OR4E1: variants seen among roughly 807,000 people sequenced by gnomAD.
OR4E1 encodes the protein olfactory receptor family 4 subfamily E member 1, also known as olfactory receptor 4E1.
chr14:21,671,900 A>G (rs569292742), intron 1 of OR4E1, among the ~76,000 whole-genome samples: 28 of 152,196 alleles, frequency 1.8e-4, no homozygotes, highest in Non-Finnish European at 2.6e-4. Flanking sequence ...AAATAGAGAA[A>G]ATGAGGCACA....
At position 21,667,955 on chromosome 14, in the gene OR4E1, T is replaced by G. The variant is rs564785849; in HGVS notation, c.*2033A>C. The stretch of plus-strand genomic sequence containing the variant: ...TATTTAGTGAGTAATTAAATACATT[T>G]TTATCTTGTCTCTGAGTCTGAAAAG... On this transcript the variant is annotated 3_prime_UTR_variant, in exon 2 of 2. Coordinates refer to ENST00000641792, the MANE Select transcript of OR4E1 (RefSeq NM_001317107.2). 1.4e-4 allele frequency: 21 copies of G among 152,656 alleles called. No individual in the cohort carries two copies. The highest frequency in any genetic ancestry group is 2.8e-4 in the Non-Finnish European group (19 of 68,044). 9.5% of individuals were successfully genotyped at this position (152,656 alleles called of 1,614,324 possible). A position where few individuals can be genotyped will look rare whatever the true frequency, so the allele number is the denominator to read the frequency against.
At position 21,670,279 on chromosome 14, in the gene OR4E1, C is replaced by T. The variant is rs759544811; in HGVS notation, c.657G>A (p.Val219=). The change falls in exon 2 of 2, where the codon GTG becomes GTA. Residue 219 remains valine (V), a synonymous_variant. Coordinates refer to ENST00000641792, the MANE Select transcript of OR4E1 (RefSeq NM_001317107.2). ...LISVVCFVVL[V]VSYAVILVSL... Reference sequence around the variant, plus strand: ...TCACCAGGATGACTGCGTAGGACACCACCAGGACCACAAAACAGACCACGG... The same window carrying T: ...TCACCAGGATGACTGCGTAGGACACTACCAGGACCACAAAACAGACCACGG... The T allele has an allele frequency of 1.3e-3, 535 of 398,848 alleles. 6 individuals are homozygous for T. Among genetic ancestry groups the T allele is most frequent in the Middle Eastern group, 0.013 (20 of 1,590 alleles). The allele number at this position is 398,848 out of a possible 1,614,324, so 24.7% of individuals were successfully genotyped here.
In OR4E1 at chr14:21,668,967, G is replaced by T. The variant is rs955109052; in HGVS notation, c.*1021C>A. The T allele has an allele frequency of 1.4e-4, 21 of 152,134 alleles. No homozygotes were observed. The highest frequency in any genetic ancestry group is 4.6e-4 in the African/African-American group (19 of 41,434). 9.4% of individuals were successfully genotyped at this position (152,134 alleles called of 1,614,324 possible). ...TGATATCACTCTCTTGCCACTCTCT[G>T]CCTTATAGTCTAAGCTGTAATCACA... On this transcript the variant is annotated 3_prime_UTR_variant, in exon 2 of 2. Transcript: ENST00000641792.
Position 21,668,431 on chromosome 14 carries a change from T to C in OR4E1, c.*1557A>G, listed in dbSNP as rs936414665. The C allele has an allele frequency of 2.0e-5, 3 of 152,230 alleles. No individual in the cohort carries two copies. The highest frequency in any genetic ancestry group is 6.5e-5 in the Admixed American group (1 of 15,286). 9.4% of individuals were successfully genotyped at this position (152,230 alleles called of 1,614,324 possible). On this transcript the variant is annotated 3_prime_UTR_variant, in exon 2 of 2. Transcript: ENST00000641792. Reference sequence around the variant, plus strand: ...GTAGACCTTGTGGCTCACAGGTTTATTGATCATACACTCACTGAGTGCCTA... The same window carrying C: ...GTAGACCTTGTGGCTCACAGGTTTACTGATCATACACTCACTGAGTGCCTA...
chr14:21,673,434 T>C lies in OR4E1; in HGVS notation c.-362A>G, dbSNP rs1295401722. 1 of 151,796 alleles carries C rather than the reference T, an allele frequency of 6.6e-6. No homozygotes were observed. Among genetic ancestry groups the C allele is most frequent in the Non-Finnish European group, 1.5e-5 (1 of 67,976 alleles). 9.4% of individuals were successfully genotyped at this position (151,796 alleles called of 1,614,324 possible). On this transcript the variant is annotated 5_prime_UTR_variant, in exon 1 of 2. Transcript: ENST00000641792. ...CCGGGCAACATGGCGAAACCCCGTC[T>C]CTACAAAAAATACAAAAAATTAGCT...
rs529628461 is a variant in OR4E1, at chr14:21,672,249, C to T, written c.-18+841G>A. On this transcript the variant is annotated intron_variant, in intron 1 of 1. Transcript: ENST00000641792. ...AGCTGTCTCTCTTGGTTGCTTGGGC[C>T]CCATGATCCTTGCTACTTCCTTCCT... Among the ~76,000 whole-genome samples, 9 of 152,152 alleles carry T rather than the reference C, an allele frequency of 5.9e-5. No homozygotes were observed. In the South Asian group the frequency reaches 1.4e-3, roughly 24 times the overall value.
In OR4E1 at chr14:21,669,401, T is replaced by G. The variant is rs1880810939; in HGVS notation, c.*587A>C. Reference sequence around the variant, plus strand: ...CCCATTTCATTGCTCTGATGGCAGATTTTGCCTGGATACTTGAGAGTGTCA... The same window carrying G: ...CCCATTTCATTGCTCTGATGGCAGAGTTTGCCTGGATACTTGAGAGTGTCA... On this transcript the variant is annotated 3_prime_UTR_variant, in exon 2 of 2. Coordinates refer to ENST00000641792, the MANE Select transcript of OR4E1 (RefSeq NM_001317107.2). 6.6e-6 allele frequency: 1 copy of G among 152,210 alleles called. No homozygotes were observed. The highest frequency in any genetic ancestry group is 1.5e-5 in the Non-Finnish European group (1 of 68,040). 9.4% of individuals were successfully genotyped at this position (152,210 alleles called of 1,614,324 possible).
At chr14:21,671,223 C>A (rs536308768) in intron 1 of OR4E1, among the ~76,000 whole-genome samples, 57 of 152,154 alleles carry the variant, frequency 3.7e-4, no homozygotes, top group African/African-American at 1.3e-3. Context: ...GAGGGAAAGA[C>A]CAAACAAGTT....
chr14:21,670,937 C>T lies in OR4E1; in HGVS notation c.-2G>A, dbSNP rs1222900871. On this transcript the variant is annotated 5_prime_UTR_variant, in exon 2 of 2. Transcript: ENST00000641792. ...ATTGAGTAGGATGGCCTCTTCCATTCTCTTTGTTAGACAACCTGTAAAGAA... is the reference window on the plus strand; with the variant it reads ...ATTGAGTAGGATGGCCTCTTCCATTTTCTTTGTTAGACAACCTGTAAAGAA... 7.5e-6 allele frequency: 3 copies of T among 398,596 alleles called. No individual in the cohort carries two copies. The South Asian group carries it at 3.8e-4, about 51-fold the overall frequency. 24.7% of individuals were successfully genotyped at this position (398,596 alleles called of 1,614,324 possible).
chr14:21,671,347 C>G (rs1880936098), intron 1 of OR4E1, among the ~76,000 whole-genome samples: 1 of 152,084 alleles, frequency 6.6e-6, no homozygotes, highest in Non-Finnish European at 1.5e-5. Flanking sequence ...CAAGGCTACA[C>G]AAATATGGTC....
In OR4E1 at chr14:21,670,861, A is replaced by G. The variant is rs1028920269; in HGVS notation, c.75T>C (p.His25=). 4 of 398,876 alleles carry G rather than the reference A, an allele frequency of 1.0e-5. No homozygotes were observed. Among genetic ancestry groups the G allele is most frequent in the African/African-American group, 8.2e-5 (4 of 48,624 alleles). The allele number at this position is 398,876 out of a possible 1,614,324, so 24.7% of individuals were successfully genotyped here. A position where few individuals can be genotyped will look rare whatever the true frequency, so the allele number is the denominator to read the frequency against. Residue 25 remains histidine, a synonymous_variant, in exon 2 of 2, where the codon CAT becomes CAC. Transcript: ENST00000641792. Reference sequence around the variant, plus strand: ...TGGAAAACATAGCTATCCGTGCCTTATGATTTACAGATAAACCTCTAAGCC... The same window carrying G: ...TGGAAAACATAGCTATCCGTGCCTTGTGATTTACAGATAAACCTCTAAGCC... ...YFRLRGLSVN[H]KARIAMFSMF... is the part of the protein sequence containing the mutation.
At chr14:21,672,582 C>T (rs569418961) in intron 1 of OR4E1, among the ~76,000 whole-genome samples, 2 of 151,094 alleles carry the variant, frequency 1.3e-5, no homozygotes, top group Non-Finnish European at 2.9e-5. Context: ...TTTTCATGGT[C>T]GCAAAATTCA....
rs887515395 is a variant in OR4E1, at chr14:21,670,104, A to T, written c.832T>A (p.Phe278Ile). 4 of 398,692 alleles carry T rather than the reference A, an allele frequency of 1.0e-5. No individual in the cohort carries two copies. The highest frequency in any genetic ancestry group is 8.2e-5 in the African/African-American group (4 of 48,596). 24.7% of individuals were successfully genotyped at this position (398,692 alleles called of 1,614,324 possible). Residue 278 changes from phenylalanine to isoleucine, a missense_variant, in exon 2 of 2, where the codon TTT becomes ATT. By Grantham distance (21) the Phe-to-Ile change is conservative. Transcript: ENST00000641792. ...AGCAGGGGGGTGACTGCAGTGAAAA[A>T]CACAGATACTACCTTGTCCTCTGGG... ...SLPEDKVVSVFFTAVTPLLNP... is the reference protein window; with the variant it reads ...SLPEDKVVSVIFTAVTPLLNP...
Position 21,668,615 on chromosome 14 carries a change from G to A in OR4E1, c.*1373C>T, listed in dbSNP as rs1198429481. ...CAGTTGATTCACCACATTCCATTCT[G>A]CTACACTATGTGCCGCCACAGTGAG... On this transcript the variant is annotated 3_prime_UTR_variant, in exon 2 of 2. Transcript: ENST00000641792. The A allele has an allele frequency of 1.3e-5, 2 of 152,126 alleles. No homozygotes were observed. Among genetic ancestry groups the A allele is most frequent in the Middle Eastern group, 3.2e-3 (1 of 316 alleles). 9.4% of individuals were successfully genotyped at this position (152,126 alleles called of 1,614,324 possible).
rs1880828976 is a variant in OR4E1, at chr14:21,669,715, T to C, written c.*273A>G. The C allele has an allele frequency of 4.7e-6, 1 of 211,880 alleles. No individual in the cohort carries two copies. Among genetic ancestry groups the C allele is most frequent in the African/African-American group, 2.3e-5 (1 of 43,810 alleles). The allele number at this position is 211,880 out of a possible 1,614,324, so 13.1% of individuals were successfully genotyped here. ...TAGCTGAGTGACTTTGGGCATGTTATTTACTCTCCTCGAGCTTTAGTTTCT... is the reference window on the plus strand; with the variant it reads ...TAGCTGAGTGACTTTGGGCATGTTACTTACTCTCCTCGAGCTTTAGTTTCT... On this transcript the variant is annotated 3_prime_UTR_variant, in exon 2 of 2. Transcript: ENST00000641792.
At position 21,670,969 on chromosome 14, in the gene OR4E1, A is replaced by T. The variant is rs1880911491; in HGVS notation, c.-17-17T>A. 2.5e-6 allele frequency: 1 copy of T among 398,492 alleles called. No homozygotes were observed. The highest frequency in any genetic ancestry group is 2.1e-5 in the African/African-American group (1 of 48,640). The allele number at this position is 398,492 out of a possible 1,614,324, so 24.7% of individuals were successfully genotyped here. A position where few individuals can be genotyped will look rare whatever the true frequency, so the allele number is the denominator to read the frequency against. On this transcript the variant is annotated splice_polypyrimidine_tract_variant and intron_variant, in intron 1 of 1. Coordinates refer to ENST00000641792, the MANE Select transcript of OR4E1 (RefSeq NM_001317107.2). ...TTAGACAACCTGTAAAGAATTAGAA[A>T]AAAAGTCTAATATAACACAGTATCT...
Position 21,668,498 on chromosome 14 carries a change from A to G in OR4E1, c.*1490T>C, listed in dbSNP as rs533161460. ...TTTAAGCATGCCTTTTTTAGCGATG[A>G]TGTGAGAACAAACTGATGATTTCCA... is the stretch of plus-strand genomic sequence containing the variant. On this transcript the variant is annotated 3_prime_UTR_variant, in exon 2 of 2. Coordinates refer to ENST00000641792, the MANE Select transcript of OR4E1 (RefSeq NM_001317107.2). 1 of 152,296 alleles carries G rather than the reference A, an allele frequency of 6.6e-6. No individual in the cohort carries two copies. The highest frequency in any genetic ancestry group is 2.4e-5 in the African/African-American group (1 of 41,566). 9.4% of individuals were successfully genotyped at this position (152,296 alleles called of 1,614,324 possible).
rs1880731700 is a variant in OR4E1 at position 21,667,979 on chromosome 14, A to G, written c.*2009T>C. On this transcript the variant is annotated 3_prime_UTR_variant, in exon 2 of 2. Coordinates refer to ENST00000641792, the MANE Select transcript of OR4E1 (RefSeq NM_001317107.2). Reference sequence around the variant, plus strand: ...TTTTATCTTGTCTCTGAGTCTGAAAAGCTTTTTTCTGTAAAACGGAGACAA... The same window carrying G: ...TTTTATCTTGTCTCTGAGTCTGAAAGGCTTTTTTCTGTAAAACGGAGACAA... 6.6e-6 allele frequency: 1 copy of G among 152,588 alleles called. No individual in the cohort carries two copies. Among genetic ancestry groups the G allele is most frequent in the African/African-American group, 2.4e-5 (1 of 41,438 alleles). The allele number at this position is 152,588 out of a possible 1,614,324, so 9.5% of individuals were successfully genotyped here.
intron 1 of OR4E1, among the ~76,000 whole-genome samples, chr14:21,671,254 G>A (rs1417839122): frequency 2.0e-5 from 3 of 152,152 alleles, no homozygotes; most frequent in African/African-American, 7.2e-5. Flanking sequence ...TAATGTAGTA[G>A]GATATCAATG....
Sources: allele counts gnomAD v4.1 joint callset (sites outside exome capture counted in the v4.1 genomes callset), GRCh38; gene constraint gnomAD v4.1.1; transcripts MANE v1.5; gene names NCBI Gene and HGNC (gene_info 2026-07-23, HGNC 2026-07-21).